The following PDE4B variants were observed in gnomAD, a reference collection of about 807,000 sequenced individuals.
PDE4B encodes 3',5'-cyclic-AMP phosphodiesterase 4B.
A neutral mutation model predicts 82.2 loss-of-function variants in PDE4B; 20 were observed. The ratio of observed to expected loss-of-function variants is 0.24; its 90% CI spans 0.17 to 0.35. The LOEUF (loss-of-function observed/expected upper bound fraction) is 0.35. Among genes scored for constraint, PDE4B ranks in the 10% least tolerant of loss-of-function variants. PDE4B has a pLI of 1.00. For missense variants in PDE4B, 655 were observed against 907.2 expected, an observed-to-expected ratio of 0.72 and a Z score of 3.57; for synonymous variants, 320 against 318.9, an observed-to-expected ratio of 1.00 and a Z score of -0.04.
At chr1:66,046,113 G>A (rs1313339911) in intron 3 of PDE4B, 2 of 151,834 alleles carry the variant, frequency 1.3e-5, no homozygotes, top group East Asian at 3.9e-4. Flanking sequence ...GTTGTCATCT[G>A]AGCTGGATAG....
intron 1 of PDE4B, among the ~76,000 whole-genome samples, chr1:65,911,920 C>T (rs1026667826): frequency 1.3e-5 from 2 of 152,168 alleles, no homozygotes; most frequent in African/African-American, 4.8e-5. Flanking sequence ...TACAATGCCA[C>T]TGCTTAGTAT....
intron 3 of PDE4B, among the ~76,000 whole-genome samples, chr1:66,222,813 A>T (rs1313260559): frequency 6.6e-6 from 1 of 152,198 alleles, no homozygotes; most frequent in Non-Finnish European, 1.5e-5. Context: ...TTGTTCCTCT[A>T]GCCCTCTCTC....
chr1:66,335,635 A>T (rs1307657776), intron 8 of PDE4B, among the ~76,000 whole-genome samples: 2 of 152,212 alleles, frequency 1.3e-5, no homozygotes, highest in African/African-American at 4.8e-5. Context: ...CACAGTCCAG[A>T]TGGAATTCCA....
intron 3 of PDE4B, among the ~76,000 whole-genome samples, chr1:66,066,976 T>TGA (rs1373148474): frequency 6.6e-6 from 1 of 152,004 alleles, no homozygotes; most frequent in African/African-American, 2.4e-5. Context: ...CAGTTTTAGA[T>TGA]ACATTTAAGC....
chr1:66,008,581 G>A (rs942486348), intron 3 of PDE4B, among the ~76,000 whole-genome samples: 1 of 151,898 alleles, frequency 6.6e-6, no homozygotes, highest in Non-Finnish European at 1.5e-5. Flanking sequence ...TCTTTGACCC[G>A]AGGCACTCCT....
chr1:65,903,045 G>T (rs550818241), intron 1 of PDE4B, among the ~76,000 whole-genome samples: 1 of 152,212 alleles, frequency 6.6e-6, no homozygotes, highest in East Asian at 1.9e-4. Flanking sequence ...CATTACAAAG[G>T]TGGTATTTTA....
At chr1:66,126,713 A>C (rs1291835961) in intron 3 of PDE4B, among the ~76,000 whole-genome samples, 2 of 152,176 alleles carry the variant, frequency 1.3e-5, no homozygotes, top group African/African-American at 4.8e-5. Context: ...TGAATGATAA[A>C]ATTATTGGTG....
intron 10 of PDE4B, 72 bp downstream of exon 10, chr1:66,361,865 G>T: frequency 8.3e-7 from 1 of 1,210,296 alleles, no homozygotes; most frequent in South Asian, 1.6e-5. Flanking sequence ...ATACCTTTTA[G>T]AAAATAGTAT....
chr1:65,897,020 C>G (rs1646918308), intron 1 of PDE4B, among the ~76,000 whole-genome samples: 1 of 152,056 alleles, frequency 6.6e-6, no homozygotes, highest in South Asian at 2.1e-4. Flanking sequence ...GATTGTGATT[C>G]AGCAAAGTAT....
rs1489333929 is a variant in PDE4B, at chr1:66,257,684, G to C, written c.513+1G>C. On this transcript the variant is annotated splice_donor_variant, in intron 5 of 16. Coordinates refer to ENST00000341517, the MANE Select transcript of PDE4B (RefSeq NM_002600.4). LOFTEE classifies it high-confidence loss of function. ...CTTGATTGTAACTCCTTTTGCCCAGGTATGTATTATGCTGGCCCTGGCTTG... is the reference window on the plus strand; with the variant it reads ...CTTGATTGTAACTCCTTTTGCCCAGCTATGTATTATGCTGGCCCTGGCTTG... 6.2e-7 allele frequency: 1 copy of C among 1,613,430 alleles called. No homozygotes were observed. Among genetic ancestry groups the C allele is most frequent in the Non-Finnish European group, 8.5e-7 (1 of 1,179,500 alleles).
intron 7 of PDE4B, among the ~76,000 whole-genome samples, chr1:66,282,321 G>C (rs535327949): frequency 1.3e-5 from 2 of 152,284 alleles, no homozygotes; most frequent in African/African-American, 4.8e-5. Flanking sequence ...AGACTTTTGG[G>C]TTTTGAGTAA....
intron 7 of PDE4B, among the ~76,000 whole-genome samples, chr1:66,288,579 C>T (rs1458554721): frequency 6.6e-6 from 1 of 152,004 alleles, no homozygotes; most frequent in Non-Finnish European, 1.5e-5. Flanking sequence ...GAAGTTTGAC[C>T]CCCATTTCCT....
At chr1:66,170,112 T>A (rs556303) in intron 3 of PDE4B, among the ~76,000 whole-genome samples, 40,408 of 151,914 alleles carry the variant, frequency 0.27, 6,723 homozygotes, top group Middle Eastern at 0.43. Context: ...AGTCCCTAGG[T>A]GTGGGATATG....
At chr1:65,926,179 G>A (rs895184831) in intron 3 of PDE4B, among the ~76,000 whole-genome samples, 1 of 152,076 alleles carries the variant, frequency 6.6e-6, no homozygotes, top group Non-Finnish European at 1.5e-5. Context: ...CAACTTTGAC[G>A]TCCATTATGC....
chr1:66,262,059 T>C (rs1654720352), intron 6 of PDE4B, among the ~76,000 whole-genome samples: 1 of 152,220 alleles, frequency 6.6e-6, no homozygotes, highest in South Asian at 2.1e-4. Flanking sequence ...CTTCTTTGTA[T>C]TAACATTCTT....
chr1:66,046,020 A>G (rs2100843836), intron 3 of PDE4B, among the ~76,000 whole-genome samples: 1 of 151,832 alleles, frequency 6.6e-6, no homozygotes, highest in South Asian at 2.1e-4. Context: ...TTTATTTTAG[A>G]TGAATTATTC....
intron 3 of PDE4B, among the ~76,000 whole-genome samples, chr1:66,243,552 G>A (rs922119723): frequency 7.2e-5 from 11 of 152,226 alleles, no homozygotes; most frequent in African/African-American, 2.7e-4. Context: ...GGAGGAGCAT[G>A]TGTCAAAATC....
chr1:66,208,630 G>A (rs553499119), intron 3 of PDE4B, among the ~76,000 whole-genome samples: 1 of 152,250 alleles, frequency 6.6e-6, no homozygotes, highest in Non-Finnish European at 1.5e-5. Flanking sequence ...CTGGAACCAT[G>A]CAAAATCTTA....
chr1:66,053,547 T>C (rs1457686342), intron 3 of PDE4B, among the ~76,000 whole-genome samples: 1 of 152,118 alleles, frequency 6.6e-6, no homozygotes, highest in East Asian at 1.9e-4. Context: ...CTGGCCAAGG[T>C]CACACAGTGG....
Sources: gnomAD v4.1 joint callset for allele counts (sites outside exome capture counted in the v4.1 genomes callset) on GRCh38, gnomAD v4.1.1 for gene constraint, MANE v1.5 for transcripts, NCBI Gene and HGNC (gene_info 2026-07-23, HGNC 2026-07-21) for gene names.